TSPAN7: variants seen among roughly 807,000 people sequenced by gnomAD.
The protein encoded by TSPAN7 is tetraspanin-7.
Under a neutral mutation model 17.6 loss-of-function variants are expected in TSPAN7, and 1 was observed. The ratio of observed to expected loss-of-function variants is 0.06; its 90% CI spans 0.02 to 0.27. The LOEUF is 0.27. Ranked by LOEUF, TSPAN7 falls within the 10% of genes least tolerant of loss-of-function variation. TSPAN7 has a pLI of 1.00. For missense variants in TSPAN7, 112 were observed against 201.7 expected, an observed-to-expected ratio of 0.56 and a Z score of 2.69; for synonymous variants, 78 against 79.0, an observed-to-expected ratio of 0.99 and a Z score of 0.07.
chrX:38,614,800 T>C (rs915740319), intron 1 of TSPAN7, among the ~76,000 whole-genome samples: 2 of 111,961 alleles, frequency 1.8e-5, no homozygotes, highest in African/African-American at 3.2e-5. Context: ...ATGGGTGATA[T>C]TGTGCAGTAA....
In TSPAN7 at chrX:38,639,835, A is replaced by AT. The variant is rs200604728; in HGVS notation, c.82-26278dup. Among the ~76,000 whole-genome samples, 278 of 109,245 alleles carry AT rather than the reference A, an allele frequency of 2.5e-3. 2 individuals are homozygous for AT. The highest frequency in any genetic ancestry group is 7.9e-3 in the African/African-American group (236 of 29,903). 94.9% of individuals were successfully genotyped at this position (109,245 alleles called of 115,157 possible). Reference sequence around the variant, plus strand: ...ATTCATGTCCTAAAGGGATGAGAGTATTTTTTTTCTCACTTTCATTGTAAT... The same window carrying AT: ...ATTCATGTCCTAAAGGGATGAGAGTATTTTTTTTTCTCACTTTCATTGTAAT... On this transcript the variant is annotated intron_variant, in intron 1 of 7. Transcript: ENST00000378482.
intron 1 of TSPAN7, among the ~76,000 whole-genome samples, chrX:38,597,703 G>C (rs1229116270): frequency 1.8e-5 from 2 of 111,321 alleles, no homozygotes; most frequent in Admixed American, 1.9e-4. Context: ...AGTCTTTGTG[G>C]TGACTTCATA....
At chrX:38,565,418 C>T (rs765032289) in intron 1 of TSPAN7, among the ~76,000 whole-genome samples, 3 of 111,136 alleles carry the variant, frequency 2.7e-5, no homozygotes, top group South Asian at 3.8e-4. Flanking sequence ...TTAGTAGAGA[C>T]GGGGTTTCAC....
intron 1 of TSPAN7, among the ~76,000 whole-genome samples, chrX:38,605,770 A>G (rs2069377630): frequency 9.0e-6 from 1 of 110,711 alleles, no homozygotes; most frequent in Non-Finnish European, 1.9e-5. Flanking sequence ...ATCTACAACT[A>G]TCTGATCTTT....
At chrX:38,622,736 A>G (rs58307409) in intron 1 of TSPAN7, among the ~76,000 whole-genome samples, 26,153 of 111,009 alleles carry the variant, frequency 0.24, 2,904 homozygotes, top group East Asian at 0.66. Context: ...GAGGCAAAGA[A>G]AAGCAGTCCT....
intron 1 of TSPAN7, among the ~76,000 whole-genome samples, chrX:38,631,387 C>T: frequency 9.0e-6 from 1 of 111,112 alleles, no homozygotes; most frequent in Non-Finnish European, 1.9e-5. Context: ...GAGAAAATTC[C>T]AGTGAACAGT....
chrX:38,596,863 A>G (rs370100662), intron 1 of TSPAN7, among the ~76,000 whole-genome samples: 2 of 111,273 alleles, frequency 1.8e-5, no homozygotes, highest in South Asian at 7.6e-4. Context: ...TCAATTTTTC[A>G]AAGCTTTGGT....
chrX:38,626,923 G>A (rs2069526033), intron 1 of TSPAN7, among the ~76,000 whole-genome samples: 1 of 111,313 alleles, frequency 9.0e-6, no homozygotes, highest in South Asian at 3.8e-4. Flanking sequence ...CTTTGGCTGG[G>A]GTAATTTGGC....
At chrX:38,657,202 G>C (rs12856195) in intron 1 of TSPAN7, among the ~76,000 whole-genome samples, 38,704 of 110,284 alleles carry the variant, frequency 0.35, 6,027 homozygotes, top group Middle Eastern at 0.53. Flanking sequence ...TTGAATAATG[G>C]AATTAAGTAT....
intron 1 of TSPAN7, among the ~76,000 whole-genome samples, chrX:38,607,451 ATAG>A (rs1166730287): frequency 9.0e-6 from 1 of 110,929 alleles, no homozygotes; most frequent in Non-Finnish European, 1.9e-5. Flanking sequence ...TTACTCTATA[ATAG>A]TAGTTTTCAC....
intron 6 of TSPAN7, among the ~76,000 whole-genome samples, chrX:38,685,236 T>C (rs960244947): frequency 8.9e-6 from 1 of 111,952 alleles, no homozygotes; most frequent in African/African-American, 3.3e-5. Context: ...GAATTACCTG[T>C]GTAGCTTGGG....
chrX:38,609,186 C>A (rs1292768924), intron 1 of TSPAN7, among the ~76,000 whole-genome samples: 1 of 111,792 alleles, frequency 8.9e-6, no homozygotes, highest in African/African-American at 3.3e-5. Context: ...TTTTAAGAAG[C>A]GATTTTGTGG....
chrX:38,570,030 C>T (rs187313027), intron 1 of TSPAN7, among the ~76,000 whole-genome samples: 482 of 111,978 alleles, frequency 4.3e-3, no homozygotes, highest in Non-Finnish European at 6.4e-3. Context: ...TCTGTAAGGT[C>T]GTCTGGTCAT....
chrX:38,610,439 G>A (rs760420707), intron 1 of TSPAN7, among the ~76,000 whole-genome samples: 1 of 111,958 alleles, frequency 8.9e-6, no homozygotes, highest in East Asian at 2.8e-4. Context: ...TTCGACAGGA[G>A]GAAACTGGTC....
chrX:38,651,295 C>G (rs890534570), intron 1 of TSPAN7, among the ~76,000 whole-genome samples: 10 of 110,371 alleles, frequency 9.1e-5, no homozygotes, highest in African/African-American at 3.0e-4. Context: ...GAAACTCCGT[C>G]TCTACTAAAA....
intron 1 of TSPAN7, among the ~76,000 whole-genome samples, chrX:38,619,662 G>T (rs754824144): frequency 9.0e-6 from 1 of 111,724 alleles, no homozygotes; most frequent in African/African-American, 3.3e-5. Context: ...GACATCTACA[G>T]TATTGACATT....
At chrX:38,584,646 G>C (rs1249389165) in intron 1 of TSPAN7, among the ~76,000 whole-genome samples, 2 of 112,026 alleles carry the variant, frequency 1.8e-5, no homozygotes, top group Non-Finnish European at 3.8e-5. Flanking sequence ...TATGTTGTGA[G>C]AGATGTGTAA....
At chrX:38,599,996 T>G (rs755075014) in intron 1 of TSPAN7, among the ~76,000 whole-genome samples, 1 of 111,923 alleles carries the variant, frequency 8.9e-6, no homozygotes, top group African/African-American at 3.2e-5. Flanking sequence ...ATTTTCTAGT[T>G]TTCCTGCCAG....
At chrX:38,658,929 G>A (rs1391250396) in intron 1 of TSPAN7, among the ~76,000 whole-genome samples, 2 of 109,076 alleles carry the variant, frequency 1.8e-5, no homozygotes, top group Non-Finnish European at 3.8e-5. Context: ...CTCCTCTCCC[G>A]CTTCTTAACT....
Sources: gnomAD v4.1 joint callset for allele counts (sites outside exome capture counted in the v4.1 genomes callset) on GRCh38, gnomAD v4.1.1 for gene constraint, MANE v1.5 for transcripts, NCBI Gene and HGNC (gene_info 2026-07-23, HGNC 2026-07-21) for gene names.